The following TAFA5 variants were observed in gnomAD, a reference collection of about 807,000 sequenced individuals.
TAFA5 encodes the protein chemokine-like protein TAFA-5.
Under a neutral mutation model 15.3 loss-of-function variants are expected in TAFA5, and 6 were observed. The ratio of observed to expected loss-of-function variants is 0.39; its 90% CI spans 0.21 to 0.77. The LOEUF (loss-of-function observed/expected upper bound fraction) is 0.77. TAFA5 is among the 30% of genes least tolerant of loss of function. TAFA5 has a pLI of 0.41. For synonymous variants in TAFA5, 103 were observed against 80.7 expected (o/e 1.28, Z -1.48); for missense variants, 161 against 193.1 (o/e 0.83, Z 0.98).
intron 1 of TAFA5, among the ~76,000 whole-genome samples, chr22:48,614,196 G>A (rs563495129): frequency 6.6e-6 from 1 of 152,290 alleles, no homozygotes; most frequent in South Asian, 2.1e-4. Context: ...GCAGAGCTGG[G>A]GGCCCGAACC....
chr22:48,739,058 T>C (rs1930108345), intron 3 of TAFA5, among the ~76,000 whole-genome samples: 1 of 152,200 alleles, frequency 6.6e-6, no homozygotes, highest in Non-Finnish European at 1.5e-5. Context: ...AATCGTGGTC[T>C]ATCTGCAAAA....
intron 1 of TAFA5, among the ~76,000 whole-genome samples, chr22:48,618,855 C>T (rs1212120819): frequency 6.6e-6 from 1 of 152,202 alleles, no homozygotes; most frequent in African/African-American, 2.4e-5. Flanking sequence ...CCCTTGCCTC[C>T]TGACACCCTG....
intron 1 of TAFA5, among the ~76,000 whole-genome samples, chr22:48,556,663 T>C (rs914604069): frequency 1.3e-5 from 2 of 152,110 alleles, no homozygotes; most frequent in Non-Finnish European, 2.9e-5. Context: ...GGCGGGGCAG[T>C]GACTGCAGCA....
chr22:48,559,587 C>T (rs1353870969), intron 1 of TAFA5, among the ~76,000 whole-genome samples: 4 of 152,040 alleles, frequency 2.6e-5, no homozygotes, highest in Non-Finnish European at 4.4e-5. Flanking sequence ...TTCTCCCTGT[C>T]ACTGCAGCCG....
intron 1 of TAFA5, among the ~76,000 whole-genome samples, chr22:48,587,058 TTGTC>T (rs1924388428): frequency 7.5e-6 from 1 of 133,916 alleles, no homozygotes; most frequent in African/African-American, 2.9e-5. Flanking sequence ...CTGTGTCTGT[TTGTC>T]TGTGGTTTCC....
At chr22:48,690,350 G>A (rs1191386036) in intron 2 of TAFA5, among the ~76,000 whole-genome samples, 2 of 152,104 alleles carry the variant, frequency 1.3e-5, no homozygotes, top group Non-Finnish European at 2.9e-5. Flanking sequence ...TGATAGGCAG[G>A]TGTGAGGGCC....
At chr22:48,506,995 G>A in intron 1 of TAFA5, among the ~76,000 whole-genome samples, 1 of 152,344 alleles carries the variant, frequency 6.6e-6, no homozygotes. Flanking sequence ...CGAGTGGCAT[G>A]GGGAGAACCC....
intron 1 of TAFA5, among the ~76,000 whole-genome samples, chr22:48,632,415 G>A (rs149016430): frequency 6.8e-4 from 102 of 150,934 alleles, no homozygotes; most frequent in Middle Eastern, 3.4e-3. Context: ...GCTTTGCCCC[G>A]ACCCCTTTGG....
At chr22:48,736,737 G>C (rs1231661472) in intron 3 of TAFA5, among the ~76,000 whole-genome samples, 1 of 152,212 alleles carries the variant, frequency 6.6e-6, no homozygotes, top group Non-Finnish European at 1.5e-5. Flanking sequence ...GCCAGTCACC[G>C]AAGTCTGCCC....
intron 1 of TAFA5, among the ~76,000 whole-genome samples, chr22:48,572,450 G>A (rs1923623043): frequency 6.6e-6 from 1 of 152,198 alleles, no homozygotes; most frequent in Non-Finnish European, 1.5e-5. Context: ...TTGACCCTAG[G>A]GACAGGTGTT....
At chr22:48,673,976 C>A (rs1399468101) in intron 2 of TAFA5, among the ~76,000 whole-genome samples, 1 of 152,096 alleles carries the variant, frequency 6.6e-6, no homozygotes, top group Non-Finnish European at 1.5e-5. Context: ...TCTGCCCCAG[C>A]CCTTTGCCCA....
chr22:48,497,031 G>A (rs1928351657), intron 1 of TAFA5, among the ~76,000 whole-genome samples: 1 of 152,196 alleles, frequency 6.6e-6, no homozygotes, highest in African/African-American at 2.4e-5. Flanking sequence ...GGGAGCGGTG[G>A]GGCTGGTCCC....
intron 1 of TAFA5, among the ~76,000 whole-genome samples, chr22:48,612,214 G>A (rs1329118788): frequency 6.6e-6 from 1 of 152,134 alleles, no homozygotes; most frequent in Non-Finnish European, 1.5e-5. Context: ...TTTTCCATTT[G>A]TAATCCTTAT....
chr22:48,623,475 G>GTGGAC (rs1258773653), intron 1 of TAFA5, among the ~76,000 whole-genome samples: 1 of 152,168 alleles, frequency 6.6e-6, no homozygotes, highest in African/African-American at 2.4e-5. Context: ...GGGACGGGAC[G>GTGGAC]CAGCCCGTGA....
intron 1 of TAFA5, among the ~76,000 whole-genome samples, chr22:48,613,956 C>T (rs375449262): frequency 5.3e-5 from 8 of 152,206 alleles, no homozygotes; most frequent in East Asian, 3.9e-4. Context: ...CCACCACCCC[C>T]GGCTCGCGGC....
At chr22:48,617,634 G>C (rs1262592862) in intron 1 of TAFA5, among the ~76,000 whole-genome samples, 2 of 152,240 alleles carry the variant, frequency 1.3e-5, no homozygotes, top group African/African-American at 4.8e-5. Context: ...TGCAGCAGGA[G>C]AGAGAATGGC....
intron 1 of TAFA5, among the ~76,000 whole-genome samples, chr22:48,570,712 A>C (rs767650688): frequency 9.2e-5 from 14 of 152,218 alleles, no homozygotes; most frequent in Non-Finnish European, 1.9e-4. Context: ...TTTAATGGTC[A>C]GGGTTTGAGA....
chr22:48,647,702 G>C (rs888512555), intron 2 of TAFA5, among the ~76,000 whole-genome samples: 2 of 145,036 alleles, frequency 1.4e-5, no homozygotes, highest in Non-Finnish European at 3.0e-5. Context: ...GCAGACATGG[G>C]GGCTGCCATG....
intron 3 of TAFA5, among the ~76,000 whole-genome samples, chr22:48,721,070 G>A (rs547131674): frequency 6.6e-6 from 1 of 152,328 alleles, no homozygotes; most frequent in East Asian, 1.9e-4. Context: ...CAGCCCCACT[G>A]TGTGGTTGCC....
Sources: allele counts gnomAD v4.1 joint callset (sites outside exome capture counted in the v4.1 genomes callset), GRCh38; gene constraint gnomAD v4.1.1; transcripts MANE v1.5; gene names NCBI Gene and HGNC (gene_info 2026-07-23, HGNC 2026-07-21).